The following GLRA3 variants were observed in gnomAD, a reference collection of about 807,000 sequenced individuals.
The protein encoded by GLRA3 is glycine receptor alpha 3.
In GLRA3, 44 loss-of-function variants were observed where a neutral mutation model predicts 60.4. The observed-to-expected ratio is 0.73, with a 90% CI of 0.57 to 0.94. The LOEUF (loss-of-function observed/expected upper bound fraction) is 0.94, where lower values mean the gene tolerates loss of function less well. Ranked by LOEUF, GLRA3 falls within the 40% of genes least tolerant of loss-of-function variation. The pLI is 0.00. For missense variants in GLRA3, 508 were observed against 564.6 expected, an observed-to-expected ratio of 0.90 and a Z score of 1.02; for synonymous variants, 223 against 192.9, an observed-to-expected ratio of 1.16 and a Z score of -1.29.
chr4:174,783,609 A>C (rs1738989843), intron 2 of GLRA3, among the ~76,000 whole-genome samples: 1 of 142,646 alleles, frequency 7.0e-6, no homozygotes, highest in Non-Finnish European at 1.5e-5. Context: ...CAATGAACTC[A>C]AACAAATTTA....
chr4:174,771,714 G>A (rs1738395071), intron 2 of GLRA3, among the ~76,000 whole-genome samples: 1 of 151,982 alleles, frequency 6.6e-6, no homozygotes, highest in Admixed American at 6.6e-5. Flanking sequence ...ATAAAAGAGT[G>A]GGGAGATAAT....
intron 3 of GLRA3, among the ~76,000 whole-genome samples, chr4:174,736,464 A>G (rs1736793883): frequency 6.6e-6 from 1 of 152,172 alleles, no homozygotes; most frequent in African/African-American, 2.4e-5. Context: ...GTATCCAGTT[A>G]GTGATCTCCT....
At chr4:174,825,578 G>A (rs79965591) in intron 1 of GLRA3, among the ~76,000 whole-genome samples, 17,882 of 151,972 alleles carry the variant, frequency 0.12, 1,202 homozygotes, top group East Asian at 0.28. Context: ...TTTGGAAGTT[G>A]TTCTGCAAGC....
At chr4:174,786,548 A>G (rs1387020415) in intron 2 of GLRA3, among the ~76,000 whole-genome samples, 1 of 152,148 alleles carries the variant, frequency 6.6e-6, no homozygotes, top group African/African-American at 2.4e-5. Flanking sequence ...TGTAAATACT[A>G]TTTTATTTAT....
intron 5 of GLRA3, among the ~76,000 whole-genome samples, chr4:174,706,375 T>C (rs1002804821): frequency 2.0e-5 from 3 of 152,174 alleles, no homozygotes; most frequent in African/African-American, 7.2e-5. Flanking sequence ...GGTAACCCCA[T>C]CATTAATAAC....
chr4:174,805,098 T>A (rs1247425837), intron 1 of GLRA3, among the ~76,000 whole-genome samples: 3 of 152,292 alleles, frequency 2.0e-5, no homozygotes. Context: ...GTTCGATTTT[T>A]CAGGCTGCTT....
Position 174,715,189 on chromosome 4 carries a change from T to C in GLRA3, c.574+299A>G, listed in dbSNP as rs187558305. 2.9e-4 allele frequency among the ~76,000 whole-genome samples: 44 copies of C among 152,316 alleles called. No homozygotes were observed. In the East Asian group the frequency reaches 8.3e-3, roughly 29 times the overall value. Reference sequence around the variant, plus strand: ...GAAGAGGCTCCCAATAAATAAGTGATAGTTTGTTTTTAATGATTACCATCC... The same window carrying C: ...GAAGAGGCTCCCAATAAATAAGTGACAGTTTGTTTTTAATGATTACCATCC... On this transcript the variant is annotated intron_variant, in intron 5 of 9. Transcript: ENST00000274093.
intron 3 of GLRA3, among the ~76,000 whole-genome samples, chr4:174,739,614 C>G (rs1285139695): frequency 6.6e-6 from 1 of 152,128 alleles, no homozygotes; most frequent in African/African-American, 2.4e-5. Context: ...AGGAAGCCCA[C>G]AAAAATGTTA....
intron 1 of GLRA3, among the ~76,000 whole-genome samples, chr4:174,790,457 C>T (rs1299781783): frequency 6.6e-6 from 1 of 151,986 alleles, no homozygotes; most frequent in African/African-American, 2.4e-5. Context: ...TAACTTTTTC[C>T]TCTCCTATCA....
At chr4:174,653,084 T>C (rs919040943) in intron 9 of GLRA3, among the ~76,000 whole-genome samples, 11 of 152,100 alleles carry the variant, frequency 7.2e-5, no homozygotes, top group Non-Finnish European at 1.6e-4. Context: ...CAAATGTCTT[T>C]TTGCCAAATA....
Position 174,637,726 on chromosome 4 carries a change from T to A in GLRA3, c.*6060A>T, listed in dbSNP as rs1190018296. ...TAATATGGTTTGCTGCTAGTTTTTTTAAATTCATATTACTTTGTAGAGTTT... is the reference window on the plus strand; with the variant it reads ...TAATATGGTTTGCTGCTAGTTTTTTAAAATTCATATTACTTTGTAGAGTTT... On this transcript the variant is annotated 3_prime_UTR_variant, in exon 10 of 10. Transcript: ENST00000274093. The A allele has an allele frequency of 9.9e-5, 15 of 152,216 alleles. No homozygotes were observed. The highest frequency in any genetic ancestry group is 2.9e-4 in the African/African-American group (12 of 41,472). 9.4% of individuals were successfully genotyped at this position (152,216 alleles called of 1,614,324 possible). A position where few individuals can be genotyped will look rare whatever the true frequency, so the allele number is the denominator to read the frequency against.
intron 3 of GLRA3, among the ~76,000 whole-genome samples, chr4:174,755,827 A>G (rs913698590): frequency 1.6e-4 from 24 of 152,254 alleles, no homozygotes; most frequent in Admixed American, 5.2e-4. Context: ...GAAGATAAAC[A>G]TTAATTATAA....
intron 5 of GLRA3, among the ~76,000 whole-genome samples, chr4:174,692,499 G>C (rs957767131): frequency 4.0e-5 from 6 of 150,686 alleles, no homozygotes; most frequent in Non-Finnish European, 7.4e-5. Context: ...GAATAGAAAG[G>C]GGGGAAAGGT....
intron 9 of GLRA3, among the ~76,000 whole-genome samples, chr4:174,653,921 T>C (rs911346126): frequency 6.6e-6 from 1 of 152,098 alleles, no homozygotes; most frequent in Admixed American, 6.5e-5. Flanking sequence ...AAACTAAATA[T>C]CTAAATATTT....
intron 2 of GLRA3, among the ~76,000 whole-genome samples, chr4:174,776,791 A>T (rs1738622094): frequency 2.6e-5 from 4 of 152,204 alleles, no homozygotes; most frequent in Admixed American, 1.3e-4. Flanking sequence ...CTGACAAGCA[A>T]ATAAACATAC....
chr4:174,674,343 C>T lies in GLRA3; in HGVS notation c.927+2735G>A, dbSNP rs567397689. 7.2e-5 allele frequency among the ~76,000 whole-genome samples: 11 copies of T among 152,218 alleles called. No homozygotes were observed. The South Asian group carries it at 8.3e-4, about 11-fold the overall frequency. The stretch of plus-strand genomic sequence containing the variant: ...TTGAAAATTTGCTGGGAATAGAATG[C>T]ATATATCACCTTCTTATGGCCACCT... On this transcript the variant is annotated intron_variant, in intron 7 of 9. Coordinates refer to ENST00000274093, the MANE Select transcript of GLRA3 (RefSeq NM_006529.4).
In GLRA3 at chr4:174,640,983, G is replaced by T. The variant is rs1174476391; in HGVS notation, c.*2803C>A. ...TTAAAGTTGTAAAGTAAGTTCTAGA[G>T]CCTCATTATGGTTTAAGTTCAATTC... On this transcript the variant is annotated 3_prime_UTR_variant, in exon 10 of 10. Transcript: ENST00000274093. The T allele has an allele frequency of 1.4e-5, 2 of 142,112 alleles. No homozygotes were observed. Among genetic ancestry groups the T allele is most frequent in the Non-Finnish European group, 3.2e-5 (2 of 62,202 alleles). 8.8% of individuals were successfully genotyped at this position (142,112 alleles called of 1,614,324 possible).
At chr4:174,826,114 G>A (rs929125004) in intron 1 of GLRA3, among the ~76,000 whole-genome samples, 1 of 152,016 alleles carries the variant, frequency 6.6e-6, no homozygotes, top group African/African-American at 2.4e-5. Context: ...ATGAATACAT[G>A]TATTCACCAC....
At chr4:174,789,921 C>T (rs1579612144) in intron 1 of GLRA3, among the ~76,000 whole-genome samples, 1 of 152,164 alleles carries the variant, frequency 6.6e-6, no homozygotes, top group East Asian at 1.9e-4. Context: ...ATTTGGGTCA[C>T]CACATGATCA....
Sources: allele counts gnomAD v4.1 joint callset (sites outside exome capture counted in the v4.1 genomes callset), GRCh38; gene constraint gnomAD v4.1.1; transcripts MANE v1.5; gene names NCBI Gene and HGNC (gene_info 2026-07-23, HGNC 2026-07-21).